Variants in DNM1L observed in about 807,000 individuals in gnomAD.
DNM1L encodes the protein dynamin 1L.
DNM1L carries 33 observed loss-of-function variants against 92.8 expected under a neutral mutation model. That is an observed-to-expected ratio of 0.36 (90% CI 0.27 to 0.48). The LOEUF is 0.48. Ranked by LOEUF, DNM1L falls within the 20% of genes least tolerant of loss-of-function variation. The pLI, the probability that DNM1L is intolerant of heterozygous loss-of-function variation, is 0.99. For synonymous variants in DNM1L, 284 were observed against 305.0 expected, an observed-to-expected ratio of 0.93 and a Z score of 0.72; for missense variants, 485 against 888.8, an observed-to-expected ratio of 0.55 and a Z score of 5.78.
chr12:32,706,611 G>A, intron 2 of DNM1L: 1 of 440,240 alleles, frequency 2.3e-6, no homozygotes, highest in South Asian at 1.6e-5. Context: ...AACTAATGGA[G>A]AGTGGCAACT....
At position 32,718,879 on chromosome 12, in the gene DNM1L, A is replaced by C. The variant is rs190466254; in HGVS notation, c.740+116A>C. The C allele has an allele frequency of 1.4e-5, 19 of 1,379,570 alleles. No individual in the cohort carries two copies. The Admixed American group carries it at 3.1e-4, about 22-fold the overall frequency. The allele number at this position is 1,379,570 out of a possible 1,614,324, so 85.5% of individuals were successfully genotyped here. On this transcript the variant is annotated intron_variant, in intron 7 of 19. Coordinates refer to ENST00000549701, the MANE Select transcript of DNM1L (RefSeq NM_012062.5). ...TCTGTTTGAAATGTGATGCTGTACTATATTTTTTCTCCCTTTTATTATGAT... is the reference window on the plus strand; with the variant it reads ...TCTGTTTGAAATGTGATGCTGTACTCTATTTTTTCTCCCTTTTATTATGAT...
At chr12:32,723,063 C>T (rs989313643) in intron 9 of DNM1L, among the ~76,000 whole-genome samples, 14 of 151,150 alleles carry the variant, frequency 9.3e-5, no homozygotes, top group African/African-American at 2.7e-4. Flanking sequence ...CCCAGCTACT[C>T]AGAAGGCTGA....
intron 8 of DNM1L, among the ~76,000 whole-genome samples, chr12:32,721,950 A>T (rs1953832335): frequency 6.6e-6 from 1 of 152,230 alleles, no homozygotes; most frequent in Non-Finnish European, 1.5e-5. Flanking sequence ...GAAGAGATGC[A>T]CAGGGCTGGG....
Position 32,743,779 on chromosome 12 carries a change from C to T in DNM1L, c.*369C>T, listed in dbSNP as rs866737381. ...TAGTCTTAAAGCTGCTGCCATAGTC[C>T]TCCAAGAAGAAAGCACCAAGACAAC... On this transcript the variant is annotated 3_prime_UTR_variant, in exon 20 of 20. Coordinates refer to ENST00000549701, the MANE Select transcript of DNM1L (RefSeq NM_012062.5). 4.0e-6 allele frequency: 1 copy of T among 248,992 alleles called. No homozygotes were observed. The highest frequency in any genetic ancestry group is 7.8e-6 in the Non-Finnish European group (1 of 127,430). The allele number at this position is 248,992 out of a possible 1,614,324, so 15.4% of individuals were successfully genotyped here. A position where few individuals can be genotyped will look rare whatever the true frequency, so the allele number is the denominator to read the frequency against.
chr12:32,723,697 A>T (rs1410635477), intron 9 of DNM1L, among the ~76,000 whole-genome samples: 1 of 147,714 alleles, frequency 6.8e-6, no homozygotes, highest in Non-Finnish European at 1.5e-5. Context: ...CTGTCTCAAA[A>T]AAAAAAAAAA....
intron 18 of DNM1L, among the ~76,000 whole-genome samples, chr12:32,741,687 G>A (rs376484103): frequency 7.2e-5 from 11 of 152,144 alleles, no homozygotes; most frequent in African/African-American, 1.9e-4. Context: ...ATGTGTTCCC[G>A]TTAGATTATG....
chr12:32,692,923 T>C (rs1952289322), intron 1 of DNM1L: 1 of 152,258 alleles, frequency 6.6e-6, no homozygotes, highest in African/African-American at 2.4e-5. Flanking sequence ...TATACTGCTA[T>C]ATAATGGTCC....
chr12:32,739,267 AAAG>A (rs1423772289), intron 16 of DNM1L, among the ~76,000 whole-genome samples: 1 of 149,200 alleles, frequency 6.7e-6, no homozygotes, highest in African/African-American at 2.5e-5. Flanking sequence ...GTAAGATCTT[AAAG>A]AATACCTAAA....
At chr12:32,726,788 A>G (rs1954178363) in intron 9 of DNM1L, 4 of 621,786 alleles carry the variant, frequency 6.4e-6, no homozygotes, top group Non-Finnish European at 1.2e-5. Context: ...GGCCCCCTGT[A>G]CAACCCATAA....
chr12:32,689,435 C>T lies in DNM1L; in HGVS notation c.102+9970C>T, dbSNP rs147409337. Among the ~76,000 whole-genome samples, 352 of 152,140 alleles carry T rather than the reference C, an allele frequency of 2.3e-3. 4 individuals are homozygous for T. Among genetic ancestry groups the T allele is most frequent in the Middle Eastern group, 0.021 (6 of 292 alleles). ...TGGTCTCAACCTCAGGTGATCTGCC[C>T]GCCTCACCCTCCCAAAGTGCTGGGA... On this transcript the variant is annotated intron_variant, in intron 1 of 19. Coordinates refer to ENST00000549701, the MANE Select transcript of DNM1L (RefSeq NM_012062.5).
At chr12:32,707,041 A>C (rs548832218) in intron 2 of DNM1L, 16 of 260,988 alleles carry the variant, frequency 6.1e-5, no homozygotes, top group Non-Finnish European at 1.0e-4. Flanking sequence ...TTTTACTGTA[A>C]TATAACTACA....
In DNM1L at chr12:32,745,150, C is replaced by T; in HGVS notation, c.*1740C>T. Reference sequence around the variant, plus strand: ...ACTAGTACCATCTTGACAGAGGATACATGCTCCCAAAACGTTTGTTACCAC... The same window carrying T: ...ACTAGTACCATCTTGACAGAGGATATATGCTCCCAAAACGTTTGTTACCAC... On this transcript the variant is annotated 3_prime_UTR_variant, in exon 20 of 20. Coordinates refer to ENST00000549701, the MANE Select transcript of DNM1L (RefSeq NM_012062.5). The T allele has an allele frequency of 5.8e-6, 2 of 342,492 alleles. No individual in the cohort carries two copies. The highest frequency in any genetic ancestry group is 1.1e-5 in the Non-Finnish European group (2 of 176,280). The allele number at this position is 342,492 out of a possible 1,614,324, so 21.2% of individuals were successfully genotyped here. A position where few individuals can be genotyped will look rare whatever the true frequency, so the allele number is the denominator to read the frequency against.
Position 32,731,570 on chromosome 12 carries a change from T to C in DNM1L, c.1356+59T>C. 1 of 1,601,724 alleles carries C rather than the reference T, an allele frequency of 6.2e-7. No individual in the cohort carries two copies. The highest frequency in any genetic ancestry group is 8.5e-7 in the Non-Finnish European group (1 of 1,172,976). The stretch of plus-strand genomic sequence containing the variant: ...ACTAGAAAAGGACATGAAGTGGTGG[T>C]TTCACTGGGTGGAAGGAAATGTATA... On this transcript the variant is annotated intron_variant, in intron 11 of 19. Coordinates refer to ENST00000549701, the MANE Select transcript of DNM1L (RefSeq NM_012062.5). This position sits in a 1 kb window ranked among gnomAD's most constrained non-coding sequence, Gnocchi z 5.1.
intron 19 of DNM1L, 97 bp downstream of exon 19, chr12:32,742,845 A>T: frequency 6.9e-6 from 7 of 1,016,072 alleles, no homozygotes; most frequent in African/African-American, 1.7e-5. Context: ...TATAGTCTTT[A>T]TATTCTAGCT....
At chr12:32,712,671 A>AG (rs1953182687) in intron 5 of DNM1L, among the ~76,000 whole-genome samples, 1 of 150,318 alleles carries the variant, frequency 6.7e-6, no homozygotes, top group Non-Finnish European at 1.5e-5. Context: ...AAAAAAAAAA[A>AG]AAAAAAAGAA....
At chr12:32,682,424 G>T (rs571238610) in intron 1 of DNM1L, among the ~76,000 whole-genome samples, 1 of 152,096 alleles carries the variant, frequency 6.6e-6, no homozygotes, top group African/African-American at 2.4e-5. Flanking sequence ...GAACCACCCC[G>T]CCTGGCCTAA....
At position 32,708,140 on chromosome 12, in the gene DNM1L, C is replaced by A. The variant is rs1952995520; in HGVS notation, c.298-13C>A. 6.4e-7 allele frequency: 1 copy of A among 1,552,558 alleles called. No individual in the cohort carries two copies. The highest frequency in any genetic ancestry group is 8.9e-7 in the Non-Finnish European group (1 of 1,126,700). On this transcript the variant is annotated splice_polypyrimidine_tract_variant and intron_variant, in intron 3 of 19. Coordinates refer to ENST00000549701, the MANE Select transcript of DNM1L (RefSeq NM_012062.5). ...TTTTGAATATTATGCTTTTTTATTTCAAAAATTTTTAGCTTTACACGGATT... is the reference window on the plus strand; with the variant it reads ...TTTTGAATATTATGCTTTTTTATTTAAAAAATTTTTAGCTTTACACGGATT...
intron 9 of DNM1L, chr12:32,725,340 CT>C (rs1001252245): frequency 2.0e-5 from 3 of 152,130 alleles, no homozygotes; most frequent in Admixed American, 2.0e-4. Flanking sequence ...TAAGTTCATC[CT>C]TTCCAGGGAA....
chr12:32,704,762 C>T (rs1024758830), intron 2 of DNM1L, among the ~76,000 whole-genome samples: 5 of 152,084 alleles, frequency 3.3e-5, no homozygotes, highest in Non-Finnish European at 5.9e-5. Context: ...GTAGTAGTCT[C>T]CCTTTGGACT....
Sources: gnomAD v4.1 joint callset for allele counts (sites outside exome capture counted in the v4.1 genomes callset) on GRCh38, gnomAD v4.1.1 for gene constraint, Gnocchi (gnomAD v3.1) non-coding constraint, MANE v1.5 for transcripts, NCBI Gene and HGNC (gene_info 2026-07-23, HGNC 2026-07-21) for gene names.